The following SHLD2 variants were observed in gnomAD, a reference collection of about 807,000 sequenced individuals.
The protein encoded by SHLD2 is RINN1-REV7-interacting novel NHEJ regulator 2.
A neutral mutation model predicts 73.2 loss-of-function variants in SHLD2; 30 were observed. The ratio of observed to expected loss-of-function variants is 0.41; its 90% CI spans 0.31 to 0.56. SHLD2 has a LOEUF of 0.56. Ranked by LOEUF, SHLD2 falls within the 20% of genes least tolerant of loss-of-function variation. The probability of loss-of-function intolerance (pLI) is 0.28; values close to 1 mark genes in which losing one functional copy is unlikely to be tolerated. For synonymous variants in SHLD2, 285 were observed against 370.1 expected (o/e 0.77, Z 2.64); for missense variants, 745 against 1,055.9 (o/e 0.71, Z 4.08).
intron 2 of SHLD2, among the ~76,000 whole-genome samples, chr10:87,143,865 T>TC (rs199787031): frequency 0.37 from 48,793 of 131,282 alleles, 8,489 homozygotes; most frequent in East Asian, 0.72. Context: ...ATTCTTTCTT[T>TC]TTTTTTTTTT....
intron 2 of SHLD2, among the ~76,000 whole-genome samples, chr10:87,136,874 G>A: frequency 6.6e-6 from 1 of 152,172 alleles, no homozygotes; most frequent in East Asian, 1.9e-4. Flanking sequence ...TGAAGGACTT[G>A]ATCTCAGTCC....
intron 2 of SHLD2, among the ~76,000 whole-genome samples, chr10:87,126,416 A>G (rs1844010274): frequency 6.6e-6 from 1 of 152,120 alleles, no homozygotes; most frequent in Non-Finnish European, 1.5e-5. Flanking sequence ...TATTGTCTGA[A>G]TATTGAGTCT....
chr10:87,143,376 C>A (rs1845346069), intron 2 of SHLD2, among the ~76,000 whole-genome samples: 1 of 152,086 alleles, frequency 6.6e-6, no homozygotes, highest in African/African-American at 2.4e-5. Context: ...TCTATTAATT[C>A]TGAATCCAAA....
chr10:87,107,407 T>G (rs1392767878), intron 2 of SHLD2, among the ~76,000 whole-genome samples: 3 of 151,978 alleles, frequency 2.0e-5, no homozygotes, highest in African/African-American at 7.2e-5. Flanking sequence ...AGAGGGAAAC[T>G]CCTTCTCAAA....
chr10:87,175,550 G>A (rs1245031834), intron 6 of SHLD2, among the ~76,000 whole-genome samples: 1 of 151,722 alleles, frequency 6.6e-6, no homozygotes, highest in African/African-American at 2.4e-5. Flanking sequence ...CGGGAGTGGT[G>A]GCACGCACCT....
chr10:87,167,270 A>C (rs1847267364), intron 4 of SHLD2, among the ~76,000 whole-genome samples: 2 of 152,248 alleles, frequency 1.3e-5, no homozygotes, highest in Non-Finnish European at 2.9e-5. Flanking sequence ...ATCTTGAACT[A>C]ATTAGATAAT....
chr10:87,135,957 G>A (rs1844770067), intron 2 of SHLD2, among the ~76,000 whole-genome samples: 1 of 151,542 alleles, frequency 6.6e-6, no homozygotes, highest in African/African-American at 2.4e-5. Flanking sequence ...GTACTCTTTG[G>A]AAGGAAGTTA....
chr10:87,154,667 C>T (rs1322838178), intron 3 of SHLD2, among the ~76,000 whole-genome samples: 3 of 152,230 alleles, frequency 2.0e-5, no homozygotes, highest in Admixed American at 6.5e-5. Flanking sequence ...AAGTGTGAGC[C>T]ACCGTGCCTG....
intron 2 of SHLD2, among the ~76,000 whole-genome samples, chr10:87,146,894 T>G (rs987832392): frequency 6.6e-6 from 1 of 151,300 alleles, no homozygotes; most frequent in African/African-American, 2.4e-5. Flanking sequence ...CCATCTCTAC[T>G]AAAAATACAA....
chr10:87,106,178 T>C (rs775434261), intron 2 of SHLD2, among the ~76,000 whole-genome samples: 2 of 152,178 alleles, frequency 1.3e-5, no homozygotes, highest in African/African-American at 2.4e-5. Flanking sequence ...TAATTTTTTG[T>C]ATTTTTAGTA....
At chr10:87,133,878 C>T (rs1023988278) in intron 2 of SHLD2, among the ~76,000 whole-genome samples, 2 of 152,204 alleles carry the variant, frequency 1.3e-5, no homozygotes, top group African/African-American at 4.8e-5. Context: ...TATAAAGAAT[C>T]ATATTTGCTC....
intron 2 of SHLD2, among the ~76,000 whole-genome samples, chr10:87,109,415 C>T (rs1842792965): frequency 6.6e-6 from 1 of 151,962 alleles, no homozygotes; most frequent in East Asian, 1.9e-4. Flanking sequence ...TCTCCTGCCT[C>T]AGCCTCCCGA....
In SHLD2 at chr10:87,151,938, A is replaced by G; in HGVS notation, c.584A>G (p.Gln195Arg). ...ATTAATATAGGGCCTGAAGTGGTAC[A>G]AAGAGAGTGTGTGCCAACAGAATAT... is the stretch of plus-strand genomic sequence containing the variant. Reference protein sequence around the residue: ...EKINIGPEVVQRECVPTEYHE... With the variant: ...EKINIGPEVVRRECVPTEYHE... The change falls in exon 3 of 10, where the codon CAA becomes CGA. Residue 195 changes from glutamine to arginine, a missense_variant. By Grantham distance (43) the Gln-to-Arg change is conservative (BLOSUM62 1). Transcript: ENST00000298786. The G allele has an allele frequency of 6.2e-7, 1 of 1,611,762 alleles. No individual in the cohort carries two copies. The highest frequency in any genetic ancestry group is 8.5e-7 in the Non-Finnish European group (1 of 1,179,660).
chr10:87,097,531 G>C (rs1005224945), intron 2 of SHLD2, among the ~76,000 whole-genome samples: 2 of 152,186 alleles, frequency 1.3e-5, no homozygotes, highest in Admixed American at 6.5e-5. Context: ...GAGAGAGGTT[G>C]CAGTGAGCCG....
chr10:87,106,938 G>A (rs1842632173), intron 2 of SHLD2, among the ~76,000 whole-genome samples: 1 of 152,014 alleles, frequency 6.6e-6, no homozygotes, highest in Non-Finnish European at 1.5e-5. Context: ...ACATGGGGTG[G>A]ATATTCAAAG....
chr10:87,130,268 T>C (rs1844333884), intron 2 of SHLD2, among the ~76,000 whole-genome samples: 1 of 139,208 alleles, frequency 7.2e-6, no homozygotes, highest in African/African-American at 2.6e-5. Flanking sequence ...TCTGATTACT[T>C]TTCCCTTTTC....
At chr10:87,166,061 C>T (rs1180949870) in intron 4 of SHLD2, among the ~76,000 whole-genome samples, 3 of 152,012 alleles carry the variant, frequency 2.0e-5, no homozygotes, top group Non-Finnish European at 4.4e-5. Flanking sequence ...GAACAATTAT[C>T]ATCCTAATTG....
At chr10:87,119,771 C>CT (rs1843477238) in intron 2 of SHLD2, among the ~76,000 whole-genome samples, 1 of 109,008 alleles carries the variant, frequency 9.2e-6, no homozygotes. Flanking sequence ...GTGCAAGACT[C>CT]TGTCTCAAAA....
intron 2 of SHLD2, among the ~76,000 whole-genome samples, chr10:87,121,756 T>G (rs1843635976): frequency 7.1e-6 from 1 of 141,020 alleles, no homozygotes; most frequent in Non-Finnish European, 1.5e-5. Context: ...GGTATTTTCT[T>G]TCTTTCTTTT....
Sources: gnomAD v4.1 joint callset for allele counts (sites outside exome capture counted in the v4.1 genomes callset) on GRCh38, gnomAD v4.1.1 for gene constraint, MANE v1.5 for transcripts, NCBI Gene and HGNC (gene_info 2026-07-23, HGNC 2026-07-21) for gene names.